The following BIRC6 variants were observed in gnomAD, a reference collection of about 807,000 sequenced individuals.
BIRC6 encodes dual E2 ubiquitin-conjugating enzyme/E3 ubiquitin-protein ligase BIRC6.
In BIRC6, 98 loss-of-function variants were observed where a neutral mutation model predicts 503.3. The observed-to-expected ratio is 0.19, with a 90% CI of 0.17 to 0.23. The LOEUF (loss-of-function observed/expected upper bound fraction) is 0.23. Among genes scored for constraint, BIRC6 ranks in the 10% least tolerant of loss-of-function variants. BIRC6 has a pLI of 1.00. For missense variants in BIRC6, 5,360 were observed against 5,806.0 expected, an observed-to-expected ratio of 0.92 and a Z score of 2.50; for synonymous variants, 2,240 against 2,078.7, an observed-to-expected ratio of 1.08 and a Z score of -2.11.
intron 11 of BIRC6, 59 bp from the exon 12 acceptor site, chr2:32,430,802 CTTCT>C (rs2044010551): frequency 1.9e-5 from 19 of 993,298 alleles, no homozygotes; most frequent in Middle Eastern, 3.1e-4. Context: ...ACTTCATTGT[CTTCT>C]TTTTTTTTTT....
At chr2:32,403,943 T>C (rs1321673455) in intron 8 of BIRC6, among the ~76,000 whole-genome samples, 1 of 150,876 alleles carries the variant, frequency 6.6e-6, no homozygotes, top group Non-Finnish European at 1.5e-5. Context: ...TTTTTTTTTT[T>C]TGGAGACAGA....
intron 57 of BIRC6, chr2:32,523,335 A>C (rs2055932918): frequency 6.6e-6 from 1 of 152,224 alleles, no homozygotes; most frequent in African/African-American, 2.4e-5. Context: ...CTTTTGAAAT[A>C]AGGGTAATAA....
Position 32,479,455 on chromosome 2 carries a change from C to T in BIRC6, c.7253-7C>T. 1.3e-6 allele frequency: 2 copies of T among 1,591,880 alleles called. No individual in the cohort carries two copies. The highest frequency in any genetic ancestry group is 1.8e-5 in the Admixed American group (1 of 56,658). On this transcript the variant is annotated splice_region_variant and splice_polypyrimidine_tract_variant and intron_variant, in intron 36 of 73. Transcript: ENST00000421745. Reference sequence around the variant, plus strand: ...TTATTAAAACAGGACTATCCCCTTACATACAGGAGAATTACTGGCTCCAGT... The same window carrying T: ...TTATTAAAACAGGACTATCCCCTTATATACAGGAGAATTACTGGCTCCAGT...
At chr2:32,531,661 C>A in intron 61 of BIRC6, 110 bp downstream of exon 61, 1 of 1,014,600 alleles carries the variant, frequency 9.9e-7, no homozygotes, top group Non-Finnish European at 1.4e-6. Flanking sequence ...ATACCCTTTG[C>A]TTTATATTTT....
intron 47 of BIRC6, among the ~76,000 whole-genome samples, 160 bp downstream of exon 47, chr2:32,502,048 T>A (rs549673014): frequency 6.6e-6 from 1 of 152,348 alleles, no homozygotes; most frequent in South Asian, 2.1e-4. Context: ...AGTTGGAGAA[T>A]AAAGTTTCTT....
intron 61 of BIRC6, 147 bp downstream of exon 61, chr2:32,531,698 G>C: frequency 1.4e-6 from 1 of 738,862 alleles, no homozygotes; most frequent in Non-Finnish European, 2.1e-6. Context: ...TCTTTCAATG[G>C]TCAGTCTGTA....
chr2:32,434,807 C>T (rs2044518510), intron 13 of BIRC6, among the ~76,000 whole-genome samples: 1 of 152,154 alleles, frequency 6.6e-6, no homozygotes, highest in South Asian at 2.1e-4. Context: ...TTACAGTGAG[C>T]TATGACTGCA....
Position 32,430,805 on chromosome 2 carries a change from CTTTTTT to C in BIRC6, c.3023-44_3023-39del, listed in dbSNP as rs370529825. ...AATTAAAACTTCACTTCATTGTCTT[CTTTTTT>C]TTTTTTTTTTTTTTTCCACACCTAT... is the stretch of plus-strand genomic sequence containing the variant. On this transcript the variant is annotated intron_variant, in intron 11 of 73. Transcript: ENST00000421745. 5.4e-4 allele frequency: 261 copies of C among 484,334 alleles called. 1 individual carries two copies. The highest frequency in any genetic ancestry group is 3.9e-3 in the Middle Eastern group (6 of 1,550). The allele number at this position is 484,334 out of a possible 1,614,324, so 30.0% of individuals were successfully genotyped here.
intron 1 of BIRC6, among the ~76,000 whole-genome samples, chr2:32,375,794 C>T (rs1450748012): frequency 2.1e-5 from 3 of 145,916 alleles, no homozygotes; most frequent in African/African-American, 7.7e-5. Context: ...TATGACTTGT[C>T]CCTGCCTTTT....
Position 32,415,384 on chromosome 2 carries a change from T to G in BIRC6, c.2093T>G (p.Leu698Arg). The G allele has an allele frequency of 1.9e-6, 3 of 1,614,042 alleles. No homozygotes were observed. Among genetic ancestry groups the G allele is most frequent in the Non-Finnish European group, 2.5e-6 (3 of 1,179,888 alleles). The change falls in exon 10 of 74, where the codon CTT becomes CGT. Residue 698 changes from leucine to arginine, a missense_variant. Around this residue, in one of 16 missense-constraint regions of BIRC6, gnomAD observed 700 missense variants for 739.3 expected, o/e 0.95. Coordinates refer to ENST00000421745, the MANE Select transcript of BIRC6 (RefSeq NM_016252.4). ...CAATTTGCAGATGCAGCAGCCAACC[T>G]TACCTCTCCGGATTCTGAGAAGTGG... ...IQQFADAAAN[L>R]TSPDSEKWNS...
At chr2:32,611,184 C>T (rs1319732641) in intron 72 of BIRC6, among the ~76,000 whole-genome samples, 1 of 151,574 alleles carries the variant, frequency 6.6e-6, no homozygotes, top group African/African-American at 2.4e-5. Flanking sequence ...TGGCTCACTG[C>T]AAGCTCCACC....
At chr2:32,595,007 T>C (rs768080671) in intron 67 of BIRC6, 27 bp from the exon 68 acceptor site, 2 of 1,332,730 alleles carry the variant, frequency 1.5e-6, no homozygotes, top group Non-Finnish European at 2.1e-6. Flanking sequence ...ATGTATATGT[T>C]ATTTATCTTG....
chr2:32,510,811 T>G (rs1349542870), intron 53 of BIRC6, among the ~76,000 whole-genome samples, 177 bp downstream of exon 53: 9 of 152,236 alleles, frequency 5.9e-5, no homozygotes. Flanking sequence ...ACATTAGACA[T>G]ACATTTGTAT....
intron 3 of BIRC6, among the ~76,000 whole-genome samples, chr2:32,388,380 CAAA>C (rs560533546): frequency 5.3e-5 from 5 of 94,438 alleles, no homozygotes; most frequent in Admixed American, 1.1e-4. Flanking sequence ...GACTCCGTCT[CAAA>C]AAAAAAAAAA....
intron 16 of BIRC6, among the ~76,000 whole-genome samples, chr2:32,439,927 G>A (rs562414811): frequency 6.6e-6 from 1 of 152,240 alleles, no homozygotes; most frequent in South Asian, 2.1e-4. Context: ...CCCCCAGGCT[G>A]GAATGCAGTG....
chr2:32,388,793 C>G lies in BIRC6; in HGVS notation c.689C>G (p.Ser230Cys). 1 of 1,611,262 alleles carries G rather than the reference C, an allele frequency of 6.2e-7. No individual in the cohort carries two copies. The highest frequency in any genetic ancestry group is 8.5e-7 in the Non-Finnish European group (1 of 1,178,854). The change falls in exon 4 of 74, where the codon TCC becomes TGC. Residue 230 changes from serine (S) to cysteine (C), a missense_variant. Ser to Cys is a moderately radical substitution (Grantham distance 112). Coordinates refer to ENST00000421745, the MANE Select transcript of BIRC6 (RefSeq NM_016252.4). ...TFHLPHHVLKSIASAIVNELK... is the reference protein window; with the variant it reads ...TFHLPHHVLKCIASAIVNELK... ...CATCTTCCTCATCATGTGTTGAAGT[C>G]CATTGCCAGTGCCATTGTAAATGAA...
chr2:32,415,546 G>C lies in BIRC6; in HGVS notation c.2255G>C (p.Cys752Ser). The change falls in exon 10 of 74, where the codon TGC (cysteine) becomes TCC (serine). Residue 752 changes from cysteine (C) to serine (S), a missense_variant. This residue lies in a region of BIRC6 where 700 missense variants were observed against 739.3 expected (regional missense o/e 0.95). Coordinates refer to ENST00000421745, the MANE Select transcript of BIRC6 (RefSeq NM_016252.4). ...GIHLLVGLRTCPVESLSAINQ... is the reference protein window; with the variant it reads ...GIHLLVGLRTSPVESLSAINQ... ...CATTTGTTGGTAGGACTGCGGACATGCCCTGTTGAATCCTTGAGTGCAATA... is the reference window on the plus strand; with the variant it reads ...CATTTGTTGGTAGGACTGCGGACATCCCCTGTTGAATCCTTGAGTGCAATA... 1 of 1,614,004 alleles carries C rather than the reference G, an allele frequency of 6.2e-7. No homozygotes were observed. Among genetic ancestry groups the C allele is most frequent in the South Asian group, 1.1e-5 (1 of 91,086 alleles).
chr2:32,402,005 T>G (rs1470509043), intron 8 of BIRC6, among the ~76,000 whole-genome samples: 1 of 152,228 alleles, frequency 6.6e-6, no homozygotes, highest in African/African-American at 2.4e-5. Flanking sequence ...CGTTTTTTCA[T>G]TAGCACCTCA....
intron 23 of BIRC6, 75 bp downstream of exon 23, chr2:32,454,017 A>G: frequency 4.3e-6 from 5 of 1,158,876 alleles, no homozygotes; most frequent in Non-Finnish European, 5.8e-6. Flanking sequence ...ATATTTAAAC[A>G]TTATTTCTAA....
Sources: gnomAD v4.1 joint callset for allele counts (sites outside exome capture counted in the v4.1 genomes callset) on GRCh38, gnomAD v4.1.1 for gene constraint, gnomAD v4.1.1 regional missense constraint, MANE v1.5 for transcripts, NCBI Gene and HGNC (gene_info 2026-07-23, HGNC 2026-07-21) for gene names.